The following TSHR variants were observed in gnomAD, a reference collection of about 807,000 sequenced individuals.
TSHR encodes the protein thyroid stimulating hormone receptor.
TSHR carries 51 observed loss-of-function variants against 64.1 expected under a neutral mutation model. That is an observed-to-expected ratio of 0.80 (90% CI 0.64 to 1.01). TSHR has a LOEUF of 1.01. Ranked by LOEUF, TSHR falls within the 50% of genes least tolerant of loss-of-function variation. The pLI is 0.00. For missense variants in TSHR, 877 were observed against 942.8 expected (o/e 0.93, Z 0.91); for synonymous variants, 361 against 361.9 (o/e 1.00, Z 0.03).
intron 8 of TSHR, among the ~76,000 whole-genome samples, chr14:81,111,837 A>C (rs1032076013): frequency 6.6e-6 from 1 of 152,240 alleles, no homozygotes; most frequent in African/African-American, 2.4e-5. Context: ...TATGGTACCC[A>C]ATAAATAATT....
At chr14:81,023,028 G>A (rs373602283) in intron 1 of TSHR, among the ~76,000 whole-genome samples, 12 of 152,278 alleles carry the variant, frequency 7.9e-5, no homozygotes, top group African/African-American at 2.9e-4. Flanking sequence ...TGCATGTGGA[G>A]ATCTCTTGGT....
chr14:81,070,655 G>T (rs1329613011), intron 3 of TSHR, among the ~76,000 whole-genome samples: 1 of 118,650 alleles, frequency 8.4e-6, no homozygotes, highest in Non-Finnish European at 1.8e-5. Context: ...AAAAAAAGCA[G>T]CAAGGAAATA....
At chr14:81,108,959 T>G in intron 8 of TSHR, 1 of 1,327,104 alleles carries the variant, frequency 7.5e-7, no homozygotes, top group Non-Finnish European at 9.7e-7. Flanking sequence ...TACCTATTTG[T>G]GCATTTCCTT....
At chr14:81,095,941 G>A (rs1889143089) in intron 6 of TSHR, among the ~76,000 whole-genome samples, 1 of 151,794 alleles carries the variant, frequency 6.6e-6, no homozygotes, top group Admixed American at 6.6e-5. Flanking sequence ...TTGAGAGGCT[G>A]AGGTGGGAGG....
chr14:81,144,486 T>C lies in TSHR; in HGVS notation c.*133T>C, dbSNP rs960290362. On this transcript the variant is annotated 3_prime_UTR_variant, in exon 10 of 10. Transcript: ENST00000298171. ...GTGCAGGCGATGTTTCAATGTTTCA[T>C]GGGGCAAGAGTTTATCTCTGGAGAG... 10 of 924,378 alleles carry C rather than the reference T, an allele frequency of 1.1e-5. No individual in the cohort carries two copies. The highest frequency in any genetic ancestry group is 2.6e-5 in the East Asian group (1 of 38,450). 57.3% of individuals were successfully genotyped at this position (924,378 alleles called of 1,614,324 possible).
chr14:81,128,859 T>C (rs1566828797), intron 8 of TSHR, among the ~76,000 whole-genome samples: 1 of 152,174 alleles, frequency 6.6e-6, no homozygotes, highest in Non-Finnish European at 1.5e-5. Context: ...CCACTCTTCA[T>C]CCCACTTCCC....
chr14:80,987,821 T>C (rs1223309528), intron 1 of TSHR, among the ~76,000 whole-genome samples: 1 of 152,156 alleles, frequency 6.6e-6, no homozygotes, highest in Non-Finnish European at 1.5e-5. Flanking sequence ...AAACTTGCCA[T>C]CCCATTGATA....
At chr14:81,087,497 G>T in intron 3 of TSHR, 1 of 239,970 alleles carries the variant, frequency 4.2e-6, no homozygotes, top group Non-Finnish European at 8.2e-6. Flanking sequence ...GGCAATGACA[G>T]AGCCTTACTG....
At chr14:80,999,019 T>C (rs976001964) in intron 1 of TSHR, among the ~76,000 whole-genome samples, 2 of 152,196 alleles carry the variant, frequency 1.3e-5, no homozygotes, top group African/African-American at 2.4e-5. Context: ...ACTTGCATTT[T>C]CTCATTGGCA....
intron 1 of TSHR, among the ~76,000 whole-genome samples, chr14:81,055,550 C>A (rs1885727533): frequency 6.6e-6 from 1 of 152,156 alleles, no homozygotes; most frequent in Admixed American, 6.5e-5. Flanking sequence ...GGAGGCTGTA[C>A]CCTGTAAAGC....
At chr14:81,094,679 A>ATTTTTTTTTTTTTTTTTTC (rs1889016445) in intron 6 of TSHR, among the ~76,000 whole-genome samples, 1 of 76,242 alleles carries the variant, frequency 1.3e-5, no homozygotes, top group Non-Finnish European at 2.1e-5. Context: ...TATTTTTTTA[A>ATTTTTTTTTTTTTTTTTTC]TTTTTTTTTT....
intron 1 of TSHR, chr14:81,033,029 T>A (rs1884429454): frequency 2.8e-6 from 1 of 357,614 alleles, no homozygotes; most frequent in African/African-American, 2.2e-5. Context: ...TCCTTTGGTG[T>A]TCCCAATTTC....
At chr14:81,056,118 T>C (rs1198693041) in intron 1 of TSHR, among the ~76,000 whole-genome samples, 1 of 152,170 alleles carries the variant, frequency 6.6e-6, no homozygotes, top group Non-Finnish European at 1.5e-5. Context: ...TGAAATCCGA[T>C]GATTTTAAAG....
In TSHR at chr14:81,139,880, G is replaced by C. The variant is rs1288091129; in HGVS notation, c.881+13G>C. On this transcript the variant is annotated intron_variant, in intron 9 of 9. Transcript: ENST00000298171. Reference sequence around the variant, plus strand: ...AGAAAATCAGAGGGTAAGTGGCAGGGACCCGGCATAAGTGACAAAAGACCT... The same window carrying C: ...AGAAAATCAGAGGGTAAGTGGCAGGCACCCGGCATAAGTGACAAAAGACCT... The C allele has an allele frequency of 1.9e-6, 3 of 1,613,976 alleles. No homozygotes were observed. In the African/African-American group the frequency reaches 4.0e-5, roughly 22 times the overall value.
intron 1 of TSHR, chr14:81,053,303 GA>G (rs1258665814): frequency 6.6e-6 from 1 of 152,186 alleles, no homozygotes; most frequent in African/African-American, 2.4e-5. Context: ...CTGCTTTATT[GA>G]GTTTACCAAT....
At chr14:80,986,124 G>T (rs960594399) in intron 1 of TSHR, among the ~76,000 whole-genome samples, 3 of 152,122 alleles carry the variant, frequency 2.0e-5, no homozygotes, top group African/African-American at 7.2e-5. Context: ...GAGAGTTCAG[G>T]TATTCATTTG....
Position 81,106,599 on chromosome 14 carries a change from G to A in TSHR, c.615-1776G>A, listed in dbSNP as rs576442752. ...CTGTGAAAGAAATAGAGAGTGTATG[G>A]AGGCAAAATGGTAATGGCTACTTTA... On this transcript the variant is annotated intron_variant, in intron 7 of 9. Coordinates refer to ENST00000298171, the MANE Select transcript of TSHR (RefSeq NM_000369.5). 2.6e-5 allele frequency among the ~76,000 whole-genome samples: 4 copies of A among 152,240 alleles called. No individual in the cohort carries two copies. In the South Asian group the frequency reaches 8.3e-4, roughly 32 times the overall value.
chr14:81,092,790 AG>A (rs1888859045), intron 6 of TSHR, among the ~76,000 whole-genome samples, 182 bp downstream of exon 6: 1 of 152,238 alleles, frequency 6.6e-6, no homozygotes, highest in Non-Finnish European at 1.5e-5. Flanking sequence ...ACTACAAAAC[AG>A]TTTAGGTAAC....
intron 1 of TSHR, among the ~76,000 whole-genome samples, chr14:81,056,301 G>A (rs755682965): frequency 3.9e-5 from 6 of 152,024 alleles, no homozygotes; most frequent in African/African-American, 4.8e-5. Flanking sequence ...TATCAGTAGC[G>A]TGAAAATGAA....
Sources: gnomAD v4.1 joint callset for allele counts (sites outside exome capture counted in the v4.1 genomes callset) on GRCh38, gnomAD v4.1.1 for gene constraint, MANE v1.5 for transcripts, NCBI Gene and HGNC (gene_info 2026-07-23, HGNC 2026-07-21) for gene names.